Variants in VPS72 observed in about 807,000 individuals in gnomAD.
VPS72 encodes vacuolar protein sorting-associated protein 72 homolog.
VPS72 carries 27 observed loss-of-function variants against 38.9 expected under a neutral mutation model. The ratio of observed to expected loss-of-function variants is 0.69; its 90% CI spans 0.51 to 0.96. The LOEUF (loss-of-function observed/expected upper bound fraction) is 0.96, where lower values mean the gene tolerates loss of function less well. VPS72 is among the 40% of genes least tolerant of loss of function. VPS72 has a pLI of 0.00. For synonymous variants in VPS72, 173 were observed against 186.3 expected (o/e 0.93, Z 0.58); for missense variants, 360 against 479.5 (o/e 0.75, Z 2.33).
chr1:151,179,202 A>T (rs1186400697), intron 4 of VPS72, among the ~76,000 whole-genome samples: 4 of 152,182 alleles, frequency 2.6e-5, no homozygotes, highest in Non-Finnish European at 5.9e-5. Flanking sequence ...GAATTGCTTG[A>T]ACCTGGGAGG....
chr1:151,185,583 G>T lies in VPS72; in HGVS notation c.308C>A (p.Thr103Asn), dbSNP rs587600132. The T allele has an allele frequency of 3.7e-6, 6 of 1,614,050 alleles. No individual in the cohort carries two copies. In the African/African-American group the frequency reaches 5.3e-5, roughly 14 times the overall value. Residue 103 changes from threonine (T) to asparagine (N), a missense_variant, in exon 3 of 6, where the codon ACC becomes AAC. By Grantham distance (65) the Thr-to-Asn change is moderately conservative. Coordinates refer to ENST00000368892, the MANE Select transcript of VPS72 (RefSeq NM_005997.3). ...LKSLRPRKVN[T>N]PAGSSQKARE... ...CGCCTTCTGAGAGCTACCAGCCGGG[G>T]TGTTGACCTTTCGAGGCCTTAAGCT...
At chr1:151,189,124 C>A (rs1684408919) in intron 1 of VPS72, among the ~76,000 whole-genome samples, 1 of 152,126 alleles carries the variant, frequency 6.6e-6, no homozygotes. Flanking sequence ...CCACTGTGCC[C>A]GGCCAAAGCC....
chr1:151,189,951 C>T lies in VPS72; in HGVS notation c.117+54G>A. ...CTTCTTCTTTGTCCGGGGTTTCTCC[C>T]TTCAGGGCTCCTCTTTGCCTCCTCC... is the stretch of plus-strand genomic sequence containing the variant. On this transcript the variant is annotated intron_variant, in intron 1 of 5. Coordinates refer to ENST00000368892, the MANE Select transcript of VPS72 (RefSeq NM_005997.3). The T allele has an allele frequency of 2.5e-6, 4 of 1,597,620 alleles. No homozygotes were observed. The South Asian group carries it at 3.3e-5, about 13-fold the overall frequency.
At chr1:151,187,989 T>G (rs1177794595) in intron 1 of VPS72, among the ~76,000 whole-genome samples, 4 of 151,906 alleles carry the variant, frequency 2.6e-5, no homozygotes, top group African/African-American at 9.7e-5. Flanking sequence ...ATGAGAAAGT[T>G]CTATTTTAAA....
rs587605459 is a variant in VPS72 at position 151,180,645 on chromosome 1, C to A, written c.563-2500G>T. The stretch of plus-strand genomic sequence containing the variant: ...TAGAGACGGGGTTTCACCATGTTGA[C>A]CAGGATGGTCTGGAACTCCTGACCT... On this transcript the variant is annotated intron_variant, in intron 4 of 5. Transcript: ENST00000368892. Among the ~76,000 whole-genome samples the A allele has an allele frequency of 2.0e-5, 3 of 152,252 alleles. No individual in the cohort carries two copies. In the East Asian group the frequency reaches 5.8e-4, roughly 29 times the overall value.
intron 4 of VPS72, among the ~76,000 whole-genome samples, chr1:151,183,923 T>C (rs2101726987): frequency 2.0e-5 from 3 of 151,668 alleles, no homozygotes; most frequent in African/African-American, 7.3e-5. Flanking sequence ...GGGGTTTCAC[T>C]ATGTTGTCCA....
chr1:151,189,724 G>C (rs1020171621), intron 1 of VPS72, among the ~76,000 whole-genome samples: 10 of 152,084 alleles, frequency 6.6e-5, no homozygotes, highest in African/African-American at 2.2e-4. Flanking sequence ...ATGCAACCAC[G>C]CAAGTATACG....
At chr1:151,181,301 G>A (rs587772652) in intron 4 of VPS72, among the ~76,000 whole-genome samples, 2 of 147,330 alleles carry the variant, frequency 1.4e-5, no homozygotes, top group East Asian at 4.0e-4. Context: ...GTAGCGACAC[G>A]ATCTCCACTC....
rs780456410 is a variant in VPS72 at position 151,185,816 on chromosome 1, T to A, written c.252A>T (p.Val84=). ...EAEEPRRKRR[V]VTKAYKEPLK... Reference sequence around the variant, plus strand: ...CCTGTACCTTATAGGCCTTGGTGACTACTCGGCGCTTCCTTCTTGGCTCTT... The same window carrying A: ...CCTGTACCTTATAGGCCTTGGTGACAACTCGGCGCTTCCTTCTTGGCTCTT... Residue 84 remains valine (V), a synonymous_variant, in exon 2 of 6, where the codon GTA becomes GTT. Transcript: ENST00000368892. The A allele has an allele frequency of 6.2e-7, 1 of 1,614,194 alleles. No individual in the cohort carries two copies.
chr1:151,188,197 C>T (rs1334892958), intron 1 of VPS72, among the ~76,000 whole-genome samples: 2 of 152,110 alleles, frequency 1.3e-5, no homozygotes, highest in African/African-American at 4.8e-5. Context: ...CCACCACAAC[C>T]AGCTAATTTT....
Sources: allele counts gnomAD v4.1 joint callset (sites outside exome capture counted in the v4.1 genomes callset), GRCh38; gene constraint gnomAD v4.1.1; transcripts MANE v1.5; gene names NCBI Gene and HGNC (gene_info 2026-07-23, HGNC 2026-07-21).